The following PICALM variants were observed in gnomAD, a reference collection of about 807,000 sequenced individuals.
PICALM encodes the protein phosphatidylinositol-binding clathrin assembly protein.
Under a neutral mutation model 80.5 loss-of-function variants are expected in PICALM, and 40 were observed. The ratio of observed to expected loss-of-function variants is 0.50; its 90% CI spans 0.39 to 0.65. The LOEUF is 0.65. Among genes scored for constraint, PICALM ranks in the 30% least tolerant of loss-of-function variants. The probability of loss-of-function intolerance (pLI) is 0.00; values close to 1 mark genes in which losing one functional copy is unlikely to be tolerated. For synonymous variants in PICALM, 288 were observed against 260.3 expected (o/e 1.11, Z -1.02); for missense variants, 676 against 778.9 (o/e 0.87, Z 1.57).
intron 1 of PICALM, among the ~76,000 whole-genome samples, chr11:86,042,656 C>A (rs2095994831): frequency 1.8e-5 from 1 of 57,076 alleles, no homozygotes; most frequent in African/African-American, 6.8e-5. Flanking sequence ...ATCATCAGGA[C>A]TCTCAAAAAA....
intron 19 of PICALM, chr11:85,960,783 G>A: frequency 8.0e-7 from 1 of 1,250,524 alleles, no homozygotes; most frequent in Non-Finnish European, 1.0e-6. Flanking sequence ...GACAGCTGGG[G>A]GAAAAGAAGA....
intron 3 of PICALM, 69 bp downstream of exon 3, chr11:86,026,223 T>C: frequency 1.2e-6 from 1 of 831,818 alleles, no homozygotes; most frequent in Non-Finnish European, 2.0e-6. Flanking sequence ...AAGACAGAGT[T>C]CTACTCTGGA....
intron 1 of PICALM, among the ~76,000 whole-genome samples, chr11:86,066,519 A>C (rs1019851790): frequency 1.3e-5 from 2 of 152,206 alleles, no homozygotes; most frequent in Admixed American, 6.5e-5. Flanking sequence ...GGCTATAACA[A>C]GAGAAATAGC....
chr11:85,989,505 T>C (rs958465298), intron 13 of PICALM, among the ~76,000 whole-genome samples: 2 of 152,156 alleles, frequency 1.3e-5, no homozygotes, highest in African/African-American at 2.4e-5. Context: ...AATTTCATCA[T>C]CTTTGGGGCT....
chr11:85,976,117 T>TA (rs142754262), intron 18 of PICALM, among the ~76,000 whole-genome samples: 24,173 of 152,178 alleles, frequency 0.16, 2,487 homozygotes, highest in Middle Eastern at 0.24. Context: ...TGAGTCTCTA[T>TA]ATACTGAGAG....
chr11:86,005,556 T>A (rs1425253660), intron 8 of PICALM, among the ~76,000 whole-genome samples: 1 of 151,896 alleles, frequency 6.6e-6, no homozygotes, highest in African/African-American at 2.4e-5. Flanking sequence ...AATAAAAAAA[T>A]TAGTTGGGTG....
At chr11:85,972,640 G>C (rs1216473018) in intron 19 of PICALM, among the ~76,000 whole-genome samples, 1 of 152,060 alleles carries the variant, frequency 6.6e-6, no homozygotes, top group Non-Finnish European at 1.5e-5. Flanking sequence ...TACATATCAG[G>C]AAAAACACTT....
chr11:85,983,687 A>C (rs2094503867), intron 14 of PICALM, among the ~76,000 whole-genome samples, 179 bp downstream of exon 14: 1 of 152,194 alleles, frequency 6.6e-6, no homozygotes, highest in Non-Finnish European at 1.5e-5. Flanking sequence ...TGGCACCAAT[A>C]AAAGAATAAT....
chr11:86,022,258 CTCA>C, intron 4 of PICALM, 106 bp downstream of exon 4: 1 of 633,404 alleles, frequency 1.6e-6, no homozygotes, highest in Non-Finnish European at 2.7e-6. Context: ...AAAAATGAGG[CTCA>C]TCTTTTAAAA....
rs192938950 is a variant in PICALM at position 86,013,000 on chromosome 11, G to A, written c.547-608C>T. 3.3e-5 allele frequency among the ~76,000 whole-genome samples: 5 copies of A among 152,136 alleles called. No homozygotes were observed. In the East Asian group the frequency reaches 9.6e-4, roughly 29 times the overall value. ...TGAACATCAGACTATATTACTCAGT[G>A]CCCATAAGAATGAAAAAAGAAAAGA... On this transcript the variant is annotated intron_variant, in intron 5 of 19. Transcript: ENST00000393346.
At position 86,061,517 on chromosome 11, in the gene PICALM, A is replaced by G. The variant is rs2096365909; in HGVS notation, c.130+7134T>C. ...AAGATGGCGAGTATGCATATGAAAA[A>G]AAGTCACATAATCAGGAAAATGCAA... On this transcript the variant is annotated intron_variant, in intron 1 of 19. Transcript: ENST00000393346. Among the ~76,000 whole-genome samples, 4 of 152,236 alleles carry G rather than the reference A, an allele frequency of 2.6e-5. No individual in the cohort carries two copies. The South Asian group carries it at 6.2e-4, about 24-fold the overall frequency.
At chr11:85,986,344 T>C (rs2094568982) in intron 13 of PICALM, among the ~76,000 whole-genome samples, 1 of 149,064 alleles carries the variant, frequency 6.7e-6, no homozygotes, top group Non-Finnish European at 1.5e-5. Flanking sequence ...TTTGTGAAAC[T>C]ATCAGGACTG....
intron 1 of PICALM, among the ~76,000 whole-genome samples, chr11:86,035,056 CTAAT>C (rs1163675630): frequency 1.3e-5 from 2 of 150,616 alleles, no homozygotes; most frequent in Non-Finnish European, 3.0e-5. Flanking sequence ...CGACTGAAAA[CTAAT>C]TAAAAACAAA....
At chr11:86,025,525 A>G (rs1180699230) in intron 3 of PICALM, among the ~76,000 whole-genome samples, 7 of 128,158 alleles carry the variant, frequency 5.5e-5, no homozygotes, top group East Asian at 2.3e-4. Context: ...ACATAATATA[A>G]TAACAATGAA....
chr11:86,023,944 CA>C (rs2095607435), intron 3 of PICALM, among the ~76,000 whole-genome samples: 1 of 152,118 alleles, frequency 6.6e-6, no homozygotes, highest in Non-Finnish European at 1.5e-5. Flanking sequence ...GTCAACAGAG[CA>C]AGAGCCCATC....
intron 17 of PICALM, chr11:85,978,069 C>T (rs773159747): frequency 3.1e-6 from 5 of 1,612,224 alleles, no homozygotes; most frequent in Middle Eastern, 1.6e-4. Context: ...TGGTCACTTA[C>T]GTATTGTGGA....
intron 1 of PICALM, among the ~76,000 whole-genome samples, chr11:86,032,996 A>G (rs904962412): frequency 1.3e-5 from 2 of 152,228 alleles, no homozygotes; most frequent in African/African-American, 4.8e-5. Flanking sequence ...ACAAAGAACA[A>G]AACAGAGTGC....
At chr11:85,994,821 G>A (rs1303657504) in intron 12 of PICALM, among the ~76,000 whole-genome samples, 3 of 151,938 alleles carry the variant, frequency 2.0e-5, no homozygotes, top group African/African-American at 4.8e-5. Flanking sequence ...CTCATGCCTC[G>A]GCCTCCCAAG....
At chr11:85,973,679 A>G (rs1458437209) in intron 19 of PICALM, among the ~76,000 whole-genome samples, 1 of 152,188 alleles carries the variant, frequency 6.6e-6, no homozygotes, top group Non-Finnish European at 1.5e-5. Flanking sequence ...CAGAGACTAG[A>G]TTCAAATTGG....
Sources: allele counts gnomAD v4.1 joint callset (sites outside exome capture counted in the v4.1 genomes callset), GRCh38; gene constraint gnomAD v4.1.1; transcripts MANE v1.5; gene names NCBI Gene and HGNC (gene_info 2026-07-23, HGNC 2026-07-21).